The following GRTP1 variants were observed in gnomAD, a reference collection of about 807,000 sequenced individuals.
GRTP1 encodes growth hormone regulated TBC protein 1, also known as growth hormone-regulated TBC protein 1.
Under a neutral mutation model 38.1 loss-of-function variants are expected in GRTP1, and 56 were observed. The observed-to-expected ratio is 1.47, with a 90% CI of 1.19 to 1.84. GRTP1 has a LOEUF of 1.84. Ranked by LOEUF, GRTP1 falls within the 40% of genes most tolerant of loss-of-function variation. The pLI, the probability that GRTP1 is intolerant of heterozygous loss-of-function variation, is 0.00. For missense variants in GRTP1, 506 were observed against 453.9 expected (o/e 1.11, Z -1.04); for synonymous variants, 217 against 189.5 (o/e 1.14, Z -1.19).
intron 5 of GRTP1, 147 bp from the exon 6 acceptor site, chr13:113,326,238 G>A: frequency 2.1e-6 from 2 of 951,954 alleles, no homozygotes; most frequent in Non-Finnish European, 3.1e-6. Context: ...GAAGAGTCGG[G>A]GTGAGGCCTG....
chr13:113,325,334 G>T (rs962002335), intron 7 of GRTP1: 1 of 1,400,234 alleles, frequency 7.1e-7, no homozygotes, highest in African/African-American at 1.4e-5. Flanking sequence ...GAGTCTATAC[G>T]GCCTGCGCCA....
At position 113,363,824 on chromosome 13, in the gene GRTP1, G is replaced by C; in HGVS notation, c.119C>G (p.Thr40Ser). The C allele has an allele frequency of 6.2e-7, 1 of 1,612,070 alleles. No homozygotes were observed. The highest frequency in any genetic ancestry group is 8.5e-7 in the Non-Finnish European group (1 of 1,179,608). ...CCGGGACCATTTGATCGCCCTGCGG[G>C]TGAGCGTGACCAGGTAGCTGGAGAA... is the stretch of plus-strand genomic sequence containing the variant. ...KFFSSYLVTL[T>S]RRAIKWSRLL... The change falls in exon 2 of 8, where the codon ACC (threonine) becomes AGC (serine). Residue 40 changes from threonine to serine, a missense_variant. By Grantham distance (58) the Thr-to-Ser change is moderately conservative (BLOSUM62 1). Coordinates refer to ENST00000375431, the MANE Select transcript of GRTP1 (RefSeq NM_024719.4).
chr13:113,345,071 A>T (rs1319303240), intron 4 of GRTP1, 112 bp from the exon 5 acceptor site: 1 of 1,176,694 alleles, frequency 8.5e-7, no homozygotes, highest in East Asian at 2.7e-5. Flanking sequence ...CTTCTCCTTA[A>T]AACCTGCATA....
rs368387782 is a variant in GRTP1 at position 113,345,100 on chromosome 13, A to C, written c.466-141T>G. The C allele has an allele frequency of 2.5e-4, 234 of 935,502 alleles. 2 individuals carry two copies. In the East Asian group the frequency reaches 5.4e-3, roughly 21 times the overall value. 58.0% of individuals were successfully genotyped at this position (935,502 alleles called of 1,614,324 possible). A position where few individuals can be genotyped will look rare whatever the true frequency, so the allele number is the denominator to read the frequency against. On this transcript the variant is annotated intron_variant, in intron 4 of 7. Coordinates refer to ENST00000375431, the MANE Select transcript of GRTP1 (RefSeq NM_024719.4). ...CTGCATAATTGCAGAATGATCCTTT[A>C]GTAGAACTCTAGAGTCACTAAATAC... is the stretch of plus-strand genomic sequence containing the variant.
At position 113,361,066 on chromosome 13, in the gene GRTP1, C is replaced by T. The variant is rs563937897; in HGVS notation, c.181+2696G>A. On this transcript the variant is annotated intron_variant, in intron 2 of 7. Coordinates refer to ENST00000375431, the MANE Select transcript of GRTP1 (RefSeq NM_024719.4). ...CAGAGGTTGCAGTGAGCCGAGATTG[C>T]GCCACTACCCTCCAGCCAGGCTGAC... Among the ~76,000 whole-genome samples, 4 of 139,976 alleles carry T rather than the reference C, an allele frequency of 2.9e-5. No homozygotes were observed. The East Asian group carries it at 6.4e-4, about 22-fold the overall frequency. 91.8% of individuals were successfully genotyped at this position (139,976 alleles called of 152,430 possible).
chr13:113,326,489 G>A (rs2042775915), intron 5 of GRTP1, among the ~76,000 whole-genome samples: 1 of 151,116 alleles, frequency 6.6e-6, no homozygotes. Flanking sequence ...GGCTGACATG[G>A]CTGAAACCCC....
intron 2 of GRTP1, 46 bp downstream of exon 2, chr13:113,363,716 C>G: frequency 7.1e-7 from 1 of 1,411,720 alleles, no homozygotes; most frequent in Non-Finnish European, 9.6e-7. Context: ...CGTCCCAGCC[C>G]AACCCACCTG....
Position 113,344,859 on chromosome 13 carries a change from AT to A in GRTP1, c.562+3del. ...CGGGCATACCGCAGGAATTTTCAACATACCTGGTAGTATTCTTCCAACAAGA... is the reference window on the plus strand; with the variant it reads ...CGGGCATACCGCAGGAATTTTCAACAACCTGGTAGTATTCTTCCAACAAGA... On this transcript the variant is annotated splice_donor_region_variant and intron_variant, in intron 5 of 7. Coordinates refer to ENST00000375431, the MANE Select transcript of GRTP1 (RefSeq NM_024719.4). 1.9e-6 allele frequency: 3 copies of A among 1,600,498 alleles called. No homozygotes were observed. The highest frequency in any genetic ancestry group is 1.1e-5 in the South Asian group (1 of 87,312).
At chr13:113,345,920 G>A (rs752306833) in intron 4 of GRTP1, among the ~76,000 whole-genome samples, 8 of 151,478 alleles carry the variant, frequency 5.3e-5, no homozygotes, top group South Asian at 4.2e-4. Context: ...CGACTGCTTC[G>A]AGCTGATGAC....
At chr13:113,332,000 G>C (rs2042878147) in intron 5 of GRTP1, among the ~76,000 whole-genome samples, 1 of 151,408 alleles carries the variant, frequency 6.6e-6, no homozygotes, top group Non-Finnish European at 1.5e-5. Flanking sequence ...CGGGTGCCAT[G>C]TCTTATGCCT....
intron 5 of GRTP1, among the ~76,000 whole-genome samples, chr13:113,333,061 T>G (rs2042899789): frequency 6.6e-6 from 1 of 152,236 alleles, no homozygotes; most frequent in Non-Finnish European, 1.5e-5. Context: ...TCTAATGGAC[T>G]CATGACATCA....
intron 2 of GRTP1, among the ~76,000 whole-genome samples, chr13:113,363,149 G>T (rs111971373): frequency 2.6e-5 from 4 of 152,340 alleles, no homozygotes; most frequent in African/African-American, 7.2e-5. Context: ...GGTCAGGCCG[G>T]TGCTCACCGC....
At position 113,330,731 on chromosome 13, in the gene GRTP1, C is replaced by A. The variant is rs77296206; in HGVS notation, c.563-4640G>T. 1.4e-3 allele frequency among the ~76,000 whole-genome samples: 91 copies of A among 64,444 alleles called. 38 individuals are homozygous for A. The highest frequency in any genetic ancestry group is 2.3e-3 in the Admixed American group (15 of 6,566). 42.3% of individuals were successfully genotyped at this position (64,444 alleles called of 152,430 possible). On this transcript the variant is annotated intron_variant, in intron 5 of 7. Transcript: ENST00000375431. ...GGAAACCCGGGTGTGTGCATGGAAA[C>A]CCAGGTGTGTGCATGGGAGCCCAGG... is the stretch of plus-strand genomic sequence containing the variant.
chr13:113,325,868 G>T (rs375092596), intron 6 of GRTP1, 22 bp from the exon 7 acceptor site: 7 of 1,613,854 alleles, frequency 4.3e-6, no homozygotes, highest in Non-Finnish European at 5.9e-6. Context: ...TGGGAACCCG[G>T]TGTCACTCCC....
Position 113,324,366 on chromosome 13 carries a change from A to C in GRTP1, c.*122T>G. 1 of 1,327,984 alleles carries C rather than the reference A, an allele frequency of 7.5e-7. No homozygotes were observed. Among genetic ancestry groups the C allele is most frequent in the Non-Finnish European group, 9.7e-7 (1 of 1,027,288 alleles). The allele number at this position is 1,327,984 out of a possible 1,614,324, so 82.3% of individuals were successfully genotyped here. ...CTGCTCTTTTAAAAAATTCACAACT[A>C]AAGTGTAGTGATGTCAAGTATTTAC... is the stretch of plus-strand genomic sequence containing the variant. On this transcript the variant is annotated 3_prime_UTR_variant, in exon 8 of 8. Coordinates refer to ENST00000375431, the MANE Select transcript of GRTP1 (RefSeq NM_024719.4).
chr13:113,357,391 G>C (rs571644763), intron 2 of GRTP1, among the ~76,000 whole-genome samples: 5 of 141,238 alleles, frequency 3.5e-5, no homozygotes, highest in Non-Finnish European at 7.5e-5. Flanking sequence ...GTTGCAGTGA[G>C]CCGAGATCAC....
At chr13:113,355,935 G>C (rs1446318811) in intron 2 of GRTP1, among the ~76,000 whole-genome samples, 1 of 152,192 alleles carries the variant, frequency 6.6e-6, no homozygotes, top group Non-Finnish European at 1.5e-5. Flanking sequence ...TGTCCAACTC[G>C]TGCAGTTAAT....
At chr13:113,327,378 C>T (rs979103813) in intron 5 of GRTP1, among the ~76,000 whole-genome samples, 1 of 152,172 alleles carries the variant, frequency 6.6e-6, no homozygotes, top group African/African-American at 2.4e-5. Flanking sequence ...CAAAGTTTCA[C>T]CATATTTGCC....
intron 4 of GRTP1, among the ~76,000 whole-genome samples, chr13:113,345,615 A>G (rs1264407970): frequency 6.6e-6 from 1 of 152,216 alleles, no homozygotes; most frequent in Non-Finnish European, 1.5e-5. Flanking sequence ...CTCTAGTAAT[A>G]AGGGAAAAGA....
Sources: gnomAD v4.1 joint callset for allele counts (sites outside exome capture counted in the v4.1 genomes callset) on GRCh38, gnomAD v4.1.1 for gene constraint, MANE v1.5 for transcripts, NCBI Gene and HGNC (gene_info 2026-07-23, HGNC 2026-07-21) for gene names.